USPL1: variants seen among roughly 807,000 people sequenced by gnomAD.
USPL1 encodes the protein SUMO-specific isopeptidase USPL1.
In USPL1, 27 loss-of-function variants were observed where a neutral mutation model predicts 51.5. The ratio of observed to expected loss-of-function variants is 0.52; its 90% CI spans 0.39 to 0.72. USPL1 has a LOEUF of 0.72. Among genes scored for constraint, USPL1 ranks in the 30% least tolerant of loss-of-function variants. USPL1 has a pLI of 0.00. For synonymous variants in USPL1, 451 were observed against 459.6 expected (o/e 0.98, Z 0.24); for missense variants, 1,226 against 1,268.0 (o/e 0.97, Z 0.50).
chr13:30,660,551 A>G lies in USPL1; in HGVS notation c.*1195A>G, dbSNP rs887277413. On this transcript the variant is annotated 3_prime_UTR_variant, in exon 9 of 9. Coordinates refer to ENST00000255304, the MANE Select transcript of USPL1 (RefSeq NM_005800.5). Reference sequence around the variant, plus strand: ...TATGCAGATTTAAGTTGTATACGGTATATGAATGTGTGACAGTTTTCCTTA... The same window carrying G: ...TATGCAGATTTAAGTTGTATACGGTGTATGAATGTGTGACAGTTTTCCTTA... The G allele has an allele frequency of 1.3e-5, 2 of 152,234 alleles. No homozygotes were observed. Among genetic ancestry groups the G allele is most frequent in the African/African-American group, 4.8e-5 (2 of 41,474 alleles). The allele number at this position is 152,234 out of a possible 1,614,324, so 9.4% of individuals were successfully genotyped here. A position where few individuals can be genotyped will look rare whatever the true frequency, so the allele number is the denominator to read the frequency against.
intron 6 of USPL1, among the ~76,000 whole-genome samples, chr13:30,643,596 TTCCA>T (rs200406953): frequency 1.5e-4 from 14 of 96,296 alleles, no homozygotes; most frequent in African/African-American, 8.9e-4. Flanking sequence ...AAATAACTCT[TTCCA>T]CCCCCCCCCG....
In USPL1 at chr13:30,660,146, C is replaced by T. The variant is rs1051587625; in HGVS notation, c.*790C>T. 3.3e-5 allele frequency: 5 copies of T among 152,326 alleles called. No individual in the cohort carries two copies. The highest frequency in any genetic ancestry group is 1.2e-4 in the African/African-American group (5 of 41,454). The allele number at this position is 152,326 out of a possible 1,614,324, so 9.4% of individuals were successfully genotyped here. A position where few individuals can be genotyped will look rare whatever the true frequency, so the allele number is the denominator to read the frequency against. On this transcript the variant is annotated 3_prime_UTR_variant, in exon 9 of 9. Transcript: ENST00000255304. ...CCTCCCTGTTGCTGGTCGTCCCACC[C>T]TCTGCTCAGTTCTGGCTGAGCCTGG...
chr13:30,629,285 C>G (rs1950766413), intron 3 of USPL1, among the ~76,000 whole-genome samples: 1 of 152,096 alleles, frequency 6.6e-6, no homozygotes, highest in East Asian at 1.9e-4. Context: ...AGGCAGATTG[C>G]TTGAACCCAG....
At chr13:30,623,096 T>C (rs1174295342) in intron 3 of USPL1, among the ~76,000 whole-genome samples, 1 of 151,872 alleles carries the variant, frequency 6.6e-6, no homozygotes, top group Admixed American at 6.6e-5. Flanking sequence ...AATGCCAAAG[T>C]AGGGGGAGTT....
Position 30,642,746 on chromosome 13 carries a change from A to G in USPL1, c.1101A>G (p.Gln367=), listed in dbSNP as rs779073881. 6 of 1,611,342 alleles carry G rather than the reference A, an allele frequency of 3.7e-6. No individual in the cohort carries two copies. Among genetic ancestry groups the G allele is most frequent in the African/African-American group, 1.3e-5 (1 of 74,634 alleles). Residue 367 remains glutamine, a synonymous_variant, in exon 6 of 9, where the codon CAA becomes CAG. Transcript: ENST00000255304. ...WDFECSQCGH[Q]YQNRHMKSLV... is the part of the protein sequence containing the mutation. ...TTGAATGTTCGCAGTGTGGACACCA[A>G]TATCAAAACAGGTTAGTTTCTTTTG...
intron 8 of USPL1, among the ~76,000 whole-genome samples, chr13:30,656,419 T>C (rs1165314281): frequency 1.3e-5 from 2 of 152,250 alleles, no homozygotes; most frequent in Non-Finnish European, 2.9e-5. Context: ...TCTCTGTGAA[T>C]CTGTCTATTC....
intron 7 of USPL1, among the ~76,000 whole-genome samples, chr13:30,649,655 C>G (rs2137699360): frequency 6.6e-6 from 1 of 152,364 alleles, no homozygotes; most frequent in East Asian, 1.9e-4. Flanking sequence ...TGAAAGGTCA[C>G]TGCCACAGTC....
intron 8 of USPL1, 107 bp from the exon 9 acceptor site, chr13:30,657,367 T>A: frequency 8.9e-7 from 1 of 1,124,844 alleles, no homozygotes; most frequent in Non-Finnish European, 1.2e-6. Flanking sequence ...TAGAGTCTTC[T>A]CCTTTGGTCG....
In USPL1 at chr13:30,658,397, T is replaced by G. The variant is rs151293594; in HGVS notation, c.2320T>G (p.Cys774Gly). The change falls in exon 9 of 9, where the codon TGT (cysteine) becomes GGT (glycine). Residue 774 changes from cysteine to glycine, a missense_variant. Cys to Gly is a radical substitution (Grantham distance 159). Coordinates refer to ENST00000255304, the MANE Select transcript of USPL1 (RefSeq NM_005800.5). ...CAGGGGTGCTTCTTTTATGCCACTC[T>G]GTGTTTCAGCTCATAATAGAAACAC... ...ISRGASFMPL[C>G]VSAHNRNTIT... The G allele has an allele frequency of 1.1e-5, 17 of 1,613,566 alleles. No homozygotes were observed. Among genetic ancestry groups the G allele is most frequent in the African/African-American group, 2.7e-5 (2 of 74,930 alleles).
chr13:30,652,019 C>T (rs1951098562), intron 7 of USPL1, among the ~76,000 whole-genome samples: 1 of 151,700 alleles, frequency 6.6e-6, no homozygotes. Flanking sequence ...TATGAGAATA[C>T]ATCTCAAGTT....
intron 7 of USPL1, among the ~76,000 whole-genome samples, chr13:30,650,348 G>A (rs112192927): frequency 0.045 from 6,883 of 151,964 alleles, 182 homozygotes; most frequent in Non-Finnish European, 0.066. Context: ...AGGCTGAAGC[G>A]GACAGATCAC....
rs778232932 is a variant in USPL1, at chr13:30,631,386, G to A, written c.780G>A (p.Ser260=). The part of the protein sequence containing the change: ...ELKNTVTGLC[S]KEESIFWRLL... ...AGAACACCGTGACTGGACTGTGCTC[G>A]AAGGAGGAATCTATATTCTGGCGGT... Residue 260 remains serine, a synonymous_variant, in exon 4 of 9, where the codon TCG becomes TCA. Coordinates refer to ENST00000255304, the MANE Select transcript of USPL1 (RefSeq NM_005800.5). 9 of 1,614,230 alleles carry A rather than the reference G, an allele frequency of 5.6e-6. No individual in the cohort carries two copies. In the African/African-American group the frequency reaches 6.7e-5, roughly 12 times the overall value.
At chr13:30,623,032 T>C (rs887349964) in intron 3 of USPL1, among the ~76,000 whole-genome samples, 1 of 152,132 alleles carries the variant, frequency 6.6e-6, no homozygotes, top group Non-Finnish European at 1.5e-5. Flanking sequence ...AGTATGTGTT[T>C]TTCTGTCAGG....
At chr13:30,641,806 G>A (rs1219634048) in intron 5 of USPL1, among the ~76,000 whole-genome samples, 1 of 152,200 alleles carries the variant, frequency 6.6e-6, no homozygotes, top group Non-Finnish European at 1.5e-5. Context: ...CTCTCCACAG[G>A]TGGAACAAGA....
At chr13:30,655,434 A>G (rs1324141571) in intron 8 of USPL1, among the ~76,000 whole-genome samples, 1 of 152,178 alleles carries the variant, frequency 6.6e-6, no homozygotes, top group Non-Finnish European at 1.5e-5. Context: ...TCCTTTCTTA[A>G]TCTTTGCATT....
chr13:30,639,222 G>GTATATATATATATA (rs61182649), intron 5 of USPL1, among the ~76,000 whole-genome samples: 2 of 144,430 alleles, frequency 1.4e-5, no homozygotes, highest in African/African-American at 5.1e-5. Context: ...CTCAAAAAAT[G>GTATATATATATATA]TATATATATA....
chr13:30,638,031 C>T (rs1950898624), intron 5 of USPL1, among the ~76,000 whole-genome samples, 174 bp downstream of exon 5: 1 of 152,150 alleles, frequency 6.6e-6, no homozygotes, highest in South Asian at 2.1e-4. Context: ...TAGGGCAGAG[C>T]TGTTCCATAT....
chr13:30,627,342 T>A (rs1950730917), intron 3 of USPL1, among the ~76,000 whole-genome samples: 2 of 152,006 alleles, frequency 1.3e-5, no homozygotes, highest in Admixed American at 6.6e-5. Flanking sequence ...AAGATAAAAA[T>A]CTGAAATCAT....
intron 3 of USPL1, among the ~76,000 whole-genome samples, chr13:30,624,647 T>G (rs1206452849): frequency 6.6e-6 from 1 of 151,228 alleles, no homozygotes; most frequent in Non-Finnish European, 1.5e-5. Context: ...AAAAGACAAA[T>G]AGATCCAGGA....
Sources: gnomAD v4.1 joint callset for allele counts (sites outside exome capture counted in the v4.1 genomes callset) on GRCh38, gnomAD v4.1.1 for gene constraint, MANE v1.5 for transcripts, NCBI Gene and HGNC (gene_info 2026-07-23, HGNC 2026-07-21) for gene names.